MRPL48: variants seen among roughly 807,000 people sequenced by gnomAD.
MRPL48 encodes the protein mitochondrial ribosomal protein L48, also known as large ribosomal subunit protein mL48.
In MRPL48, 16 loss-of-function variants were observed where a neutral mutation model predicts 32.9. The ratio of observed to expected loss-of-function variants is 0.49; its 90% CI spans 0.33 to 0.74. MRPL48 has a LOEUF of 0.74. Among genes scored for constraint, MRPL48 ranks in the 30% least tolerant of loss-of-function variants. The pLI, the probability that MRPL48 is intolerant of heterozygous loss-of-function variation, is 0.02. For synonymous variants in MRPL48, 94 were observed against 89.2 expected, an observed-to-expected ratio of 1.05 and a Z score of -0.31; for missense variants, 206 against 245.3, an observed-to-expected ratio of 0.84 and a Z score of 1.07.
chr11:73,796,202 C>G (rs1947251428), intron 1 of MRPL48, among the ~76,000 whole-genome samples: 1 of 152,236 alleles, frequency 6.6e-6, no homozygotes, highest in Non-Finnish European at 1.5e-5. Context: ...GAGCTCCGCT[C>G]TTCCGAGTGC....
At chr11:73,813,481 GT>G (rs986110963) in intron 3 of MRPL48, among the ~76,000 whole-genome samples, 1 of 151,850 alleles carries the variant, frequency 6.6e-6, no homozygotes, top group African/African-American at 2.4e-5. Flanking sequence ...GCCCATTTAT[GT>G]TTTTTTGTCA....
rs750037414 is a variant in MRPL48, at chr11:73,844,794, GT to G, written c.202-9del. ...AATACTTTATTTTCTTTCTCTCTTT[GT>G]TTTCTCTTCAGCCCAAGAAGAAGAA... On this transcript the variant is annotated splice_polypyrimidine_tract_variant and intron_variant, in intron 4 of 7. Coordinates refer to ENST00000310614, the MANE Select transcript of MRPL48 (RefSeq NM_016055.6). The G allele has an allele frequency of 6.2e-7, 1 of 1,605,924 alleles. No homozygotes were observed. The highest frequency in any genetic ancestry group is 1.1e-5 in the South Asian group (1 of 88,864).
intron 1 of MRPL48, among the ~76,000 whole-genome samples, chr11:73,797,685 A>G (rs1947282952): frequency 6.6e-6 from 1 of 152,200 alleles, no homozygotes; most frequent in South Asian, 2.1e-4. Flanking sequence ...GCTCACTCAC[A>G]TACCCCTCAC....
chr11:73,844,961 T>C lies in MRPL48; in HGVS notation c.356T>C (p.Ile119Thr). ...CACAACCTCTGCAACTCTCTCTCCA[T>C]TAAAGTCGAGGAAAGGTATGAAGGA... is the stretch of plus-strand genomic sequence containing the variant. ...YVHNLCNSLSIKVEESYAMPT... is the reference protein window; with the variant it reads ...YVHNLCNSLSTKVEESYAMPT... Residue 119 changes from isoleucine (I) to threonine (T), a missense_variant, in exon 5 of 8, where the codon ATT becomes ACT. Physicochemically the swap from Ile to Thr is moderately conservative, Grantham distance 89. Transcript: ENST00000310614. 6.2e-7 allele frequency: 1 copy of C among 1,608,830 alleles called. No individual in the cohort carries two copies. Among genetic ancestry groups the C allele is most frequent in the Non-Finnish European group, 8.5e-7 (1 of 1,176,330 alleles).
chr11:73,844,781 T>C, intron 4 of MRPL48, 26 bp from the exon 5 acceptor site: 1 of 1,597,266 alleles, frequency 6.3e-7, no homozygotes, highest in South Asian at 1.1e-5. Context: ...TACTTTATTT[T>C]CTTTCTCTCT....
At chr11:73,793,161 G>A (rs575740912) in intron 1 of MRPL48, among the ~76,000 whole-genome samples, 58 of 152,264 alleles carry the variant, frequency 3.8e-4, no homozygotes, top group African/African-American at 1.3e-3. Flanking sequence ...TGCCTCCTGG[G>A]TTCAAGTGAT....
intron 1 of MRPL48, among the ~76,000 whole-genome samples, chr11:73,796,494 G>A (rs577617606): frequency 2.7e-4 from 41 of 152,376 alleles, no homozygotes; most frequent in African/African-American, 9.4e-4. Flanking sequence ...GCATAGGAGG[G>A]AAGCCAAAGC....
At position 73,863,330 on chromosome 11, in the gene MRPL48, G is replaced by T. The variant is rs561642415; in HGVS notation, c.564+69G>T. The T allele has an allele frequency of 3.9e-5, 51 of 1,293,102 alleles. No individual in the cohort carries two copies. In the South Asian group the frequency reaches 6.0e-4, roughly 15 times the overall value. The allele number at this position is 1,293,102 out of a possible 1,614,324, so 80.1% of individuals were successfully genotyped here. On this transcript the variant is annotated intron_variant, in intron 7 of 7. Coordinates refer to ENST00000310614, the MANE Select transcript of MRPL48 (RefSeq NM_016055.6). Reference sequence around the variant, plus strand: ...CTCAAAATAAGGATAAGAACATCTGGACTTCCTGGCTTTAGAAAGAACAGA... The same window carrying T: ...CTCAAAATAAGGATAAGAACATCTGTACTTCCTGGCTTTAGAAAGAACAGA...
intron 6 of MRPL48, among the ~76,000 whole-genome samples, chr11:73,862,104 A>T (rs1948594242): frequency 6.6e-6 from 1 of 152,176 alleles, no homozygotes; most frequent in South Asian, 2.1e-4. Context: ...CCTGGCCAAC[A>T]TGGTGAAACC....
chr11:73,851,027 A>G, intron 5 of MRPL48: 1 of 481,662 alleles, frequency 2.1e-6, no homozygotes, highest in South Asian at 1.6e-5. Context: ...AGCTGCCATC[A>G]AAGACCCATA....
chr11:73,856,139 T>TA (rs1321467073), intron 5 of MRPL48, among the ~76,000 whole-genome samples: 2 of 152,202 alleles, frequency 1.3e-5, no homozygotes, highest in African/African-American at 4.8e-5. Context: ...GGATGAATGA[T>TA]ATGCTGCTTT....
Position 73,850,499 on chromosome 11 carries a change from C to T in MRPL48, c.371+5523C>T, listed in dbSNP as rs147854719. The T allele has an allele frequency of 5.2e-4, 179 of 341,714 alleles. 1 individual carries two copies. Among genetic ancestry groups the T allele is most frequent in the African/African-American group, 9.1e-4 (41 of 45,058 alleles). The allele number at this position is 341,714 out of a possible 1,614,324, so 21.2% of individuals were successfully genotyped here. ...TGGAGGCTTGAAGTGAATTTGACAC[C>T]GTTTATTAAACACCTTCCAGCCTTT... is the stretch of plus-strand genomic sequence containing the variant. On this transcript the variant is annotated intron_variant, in intron 5 of 7. Coordinates refer to ENST00000310614, the MANE Select transcript of MRPL48 (RefSeq NM_016055.6).
At chr11:73,815,840 C>T (rs1412920148) in intron 3 of MRPL48, among the ~76,000 whole-genome samples, 6 of 151,864 alleles carry the variant, frequency 4.0e-5, no homozygotes, top group Admixed American at 6.6e-5. Context: ...CCTCTCACCT[C>T]AGACTCCTCA....
chr11:73,790,374 C>CTT (rs759628609), intron 1 of MRPL48, among the ~76,000 whole-genome samples: 1,673 of 58,002 alleles, frequency 0.029, 464 homozygotes, highest in African/African-American at 0.059. Flanking sequence ...CGCACCCGGC[C>CTT]TTTTTTTTTT....
chr11:73,858,501 T>G (rs994568669), intron 5 of MRPL48, among the ~76,000 whole-genome samples: 5 of 152,142 alleles, frequency 3.3e-5, no homozygotes, highest in African/African-American at 1.2e-4. Flanking sequence ...ACTTCTAAAC[T>G]CCTGATCTTG....
Position 73,825,719 on chromosome 11 carries a change from C to G in MRPL48, c.124C>G (p.Leu42Val). Reference protein sequence around the residue: ...KPIYSVGGILLSISRPYKTKP... With the variant: ...KPIYSVGGILVSISRPYKTKP... ...TTTCTCTCTTTTAGGTGGAATTCTA[C>G]TAAGTATCAGTCGGCCCTACAAGAC... The change falls in exon 4 of 8, where the codon CTA (leucine) becomes GTA (valine). Residue 42 changes from leucine to valine, a missense_variant. Leu to Val is a conservative substitution (Grantham distance 32). Transcript: ENST00000310614. 6.4e-7 allele frequency: 1 copy of G among 1,561,748 alleles called. No homozygotes were observed. Among genetic ancestry groups the G allele is most frequent in the Non-Finnish European group, 8.7e-7 (1 of 1,152,806 alleles).
chr11:73,799,619 G>C (rs1037570983), intron 1 of MRPL48, among the ~76,000 whole-genome samples: 1 of 152,126 alleles, frequency 6.6e-6, no homozygotes, highest in Non-Finnish European at 1.5e-5. Flanking sequence ...AGGCACTGGA[G>C]ACTTGGAAGG....
At chr11:73,796,348 A>C (rs1947253799) in intron 1 of MRPL48, among the ~76,000 whole-genome samples, 1 of 152,232 alleles carries the variant, frequency 6.6e-6, no homozygotes, top group Admixed American at 6.5e-5. Context: ...TGTCGACACC[A>C]GCTCTGATCT....
intron 1 of MRPL48, among the ~76,000 whole-genome samples, chr11:73,791,457 C>T (rs562386663): frequency 6.6e-6 from 1 of 152,080 alleles, no homozygotes; most frequent in African/African-American, 2.4e-5. Context: ...CACTCTGTCA[C>T]CCAGGCAGCA....
Sources: allele counts gnomAD v4.1 joint callset (sites outside exome capture counted in the v4.1 genomes callset), GRCh38; gene constraint gnomAD v4.1.1; transcripts MANE v1.5; gene names NCBI Gene and HGNC (gene_info 2026-07-23, HGNC 2026-07-21).